SORCS2: variants seen among roughly 807,000 people sequenced by gnomAD.
The protein encoded by SORCS2 is sortilin related VPS10 domain containing receptor 2, also known as VPS10 domain-containing receptor SorCS2.
In SORCS2, 100 loss-of-function variants were observed where a neutral mutation model predicts 141.6. That is an observed-to-expected ratio of 0.71 (90% CI 0.60 to 0.83). The LOEUF is 0.83. Ranked by LOEUF, SORCS2 falls within the 40% of genes least tolerant of loss-of-function variation. The pLI is 0.00. For synonymous variants in SORCS2, 789 were observed against 676.9 expected (o/e 1.17, Z -2.57); for missense variants, 1,646 against 1,560.2 (o/e 1.05, Z -0.93).
chr4:7,279,486 A>C (rs1715719491), intron 1 of SORCS2, among the ~76,000 whole-genome samples: 1 of 152,210 alleles, frequency 6.6e-6, no homozygotes, highest in African/African-American at 2.4e-5. Context: ...TGCGGTGGTC[A>C]GTTCCATTTC....
chr4:7,385,623 A>C (rs980036210), intron 1 of SORCS2, among the ~76,000 whole-genome samples: 5 of 152,208 alleles, frequency 3.3e-5, no homozygotes, highest in African/African-American at 1.2e-4. Context: ...GCCCTGCCCC[A>C]CATTGGGAAG....
intron 2 of SORCS2, among the ~76,000 whole-genome samples, chr4:7,489,168 C>T (rs10937829): frequency 0.51 from 76,949 of 152,022 alleles, 19,514 homozygotes; most frequent in African/African-American, 0.55. Context: ...AAGCTGGTTC[C>T]CTGGACCCTC....
intron 2 of SORCS2, among the ~76,000 whole-genome samples, chr4:7,449,446 C>T (rs1728301405): frequency 7.2e-6 from 1 of 139,752 alleles, no homozygotes; most frequent in Admixed American, 7.3e-5. Context: ...GAAACAAACC[C>T]TTGCTTTTCT....
At chr4:7,606,610 C>T (rs1304203848) in intron 3 of SORCS2, among the ~76,000 whole-genome samples, 2 of 152,090 alleles carry the variant, frequency 1.3e-5, no homozygotes, top group African/African-American at 4.8e-5. Context: ...GCCTTGAGGG[C>T]CGCCTCTGTG....
chr4:7,599,342 G>C (rs1352810321), intron 3 of SORCS2, among the ~76,000 whole-genome samples: 2 of 152,184 alleles, frequency 1.3e-5, no homozygotes, highest in African/African-American at 4.8e-5. Flanking sequence ...CCACGTGCCA[G>C]GCACTTGGCA....
Position 7,703,327 on chromosome 4 carries a change from G to A in SORCS2, c.1716G>A (p.Val572=), listed in dbSNP as rs1725202806. The part of the protein sequence containing the change: ...HHILYLDHGG[V]IVAIKDTSIP... ...TCCTGTACCTGGACCACGGCGGCGT[G>A]ATCGTGGCCATCAAAGACACCTCCA... The change falls in exon 13 of 27, where the codon GTG becomes GTA. Residue 572 remains valine (V), a synonymous_variant. Transcript: ENST00000507866. The A allele has an allele frequency of 6.2e-7, 1 of 1,613,458 alleles. No individual in the cohort carries two copies. The highest frequency in any genetic ancestry group is 8.5e-7 in the Non-Finnish European group (1 of 1,179,700).
intron 3 of SORCS2, among the ~76,000 whole-genome samples, chr4:7,538,542 G>T (rs55712164): frequency 0.017 from 2,622 of 152,004 alleles, 66 homozygotes; most frequent in African/African-American, 0.059. Flanking sequence ...TATGTGAATG[G>T]GCATCTTACT....
chr4:7,192,719 C>T lies in SORCS2; in HGVS notation c.73C>T (p.Pro25Ser), dbSNP rs1247953681. 2 of 989,770 alleles carry T rather than the reference C, an allele frequency of 2.0e-6. No homozygotes were observed. The highest frequency in any genetic ancestry group is 2.4e-6 in the Non-Finnish European group (2 of 834,354). 61.3% of individuals were successfully genotyped at this position (989,770 alleles called of 1,614,324 possible). Residue 25 changes from proline (P) to serine (S), a missense_variant, in exon 1 of 27, where the codon CCG becomes TCG. Pro to Ser is a moderately conservative substitution (Grantham distance 74, BLOSUM62 -1). Transcript: ENST00000507866. The surrounding 1 kb of genome is among the most constrained non-coding windows in gnomAD (Gnocchi z 4.0). ...CGCCCGAGCCCCGAGCCCCGGGGCT[C>T]CGCCGCCGCCGCGCTCGCCGCGCTC... ...PTARAPSPGA[P>S]PPPRSPRSRP...
intron 2 of SORCS2, among the ~76,000 whole-genome samples, chr4:7,512,027 C>T (rs1045918686): frequency 6.6e-6 from 1 of 152,206 alleles, no homozygotes; most frequent in Non-Finnish European, 1.5e-5. Flanking sequence ...TGTTCCTGCG[C>T]AATACACAGA....
intron 1 of SORCS2, among the ~76,000 whole-genome samples, chr4:7,320,924 CCTTT>C (rs1165415262): frequency 2.9e-5 from 4 of 137,750 alleles, no homozygotes; most frequent in South Asian, 5.5e-4. Flanking sequence ...TCCTCTTTCT[CCTTT>C]CTTTTTCCTT....
chr4:7,571,473 C>A lies in SORCS2; in HGVS notation c.648+39844C>A, dbSNP rs114029885. Among the ~76,000 whole-genome samples, 922 of 152,110 alleles carry A rather than the reference C, an allele frequency of 6.1e-3. 10 individuals are homozygous for A. The highest frequency in any genetic ancestry group is 0.021 in the African/African-American group (889 of 41,496). ...GATGAGAATAGCTCTGGCCATGCCC[C>A]GTGTGGGTGGGGTAGACTCAGGGGA... On this transcript the variant is annotated intron_variant, in intron 3 of 26. Coordinates refer to ENST00000507866, the MANE Select transcript of SORCS2 (RefSeq NM_020777.3).
chr4:7,411,048 C>T lies in SORCS2; in HGVS notation c.548+14693C>T, dbSNP rs183911472. ...TCGACTCACCGCAACCTCTGCCTCC[C>T]GGGTTCAAGCGATTCTCCTACCTCA... On this transcript the variant is annotated intron_variant, in intron 2 of 26. Transcript: ENST00000507866. Among the ~76,000 whole-genome samples the T allele has an allele frequency of 1.5e-4, 23 of 150,070 alleles. No homozygotes were observed. In the East Asian group the frequency reaches 3.8e-3, roughly 25 times the overall value.
intron 2 of SORCS2, among the ~76,000 whole-genome samples, chr4:7,528,553 G>A (rs60784410): frequency 0.029 from 4,409 of 152,142 alleles, 211 homozygotes; most frequent in African/African-American, 0.1. Context: ...AGCCTCCTGA[G>A]TACCTGGGAT....
At chr4:7,349,486 C>T (rs1205254970) in intron 1 of SORCS2, among the ~76,000 whole-genome samples, 2 of 152,012 alleles carry the variant, frequency 1.3e-5, no homozygotes, top group Non-Finnish European at 2.9e-5. Flanking sequence ...CTGGAGAGGC[C>T]CAGGAGGTCA....
chr4:7,509,710 T>C (rs1350597919), intron 2 of SORCS2, among the ~76,000 whole-genome samples: 1 of 152,142 alleles, frequency 6.6e-6, no homozygotes, highest in Non-Finnish European at 1.5e-5. Context: ...GCCATTCTGC[T>C]GCCAGGCTAT....
rs571709677 is a variant in SORCS2 at position 7,702,132 on chromosome 4, T to C, written c.1669-1148T>C. Among the ~76,000 whole-genome samples, 44 of 152,300 alleles carry C rather than the reference T, an allele frequency of 2.9e-4. No individual in the cohort carries two copies. In the South Asian group the frequency reaches 7.2e-3, roughly 25 times the overall value. Reference sequence around the variant, plus strand: ...GAGTCTCTGAGCACACTGAGACGGATGAGCGTGCTGGCCCTAGTGGGGTCT... The same window carrying C: ...GAGTCTCTGAGCACACTGAGACGGACGAGCGTGCTGGCCCTAGTGGGGTCT... On this transcript the variant is annotated intron_variant, in intron 12 of 26. Coordinates refer to ENST00000507866, the MANE Select transcript of SORCS2 (RefSeq NM_020777.3).
intron 3 of SORCS2, among the ~76,000 whole-genome samples, chr4:7,603,106 G>A (rs1029892884): frequency 4.0e-5 from 6 of 151,874 alleles, no homozygotes; most frequent in Non-Finnish European, 8.8e-5. Flanking sequence ...AGAGATGGCG[G>A]CACTACAGTT....
At chr4:7,335,207 C>T (rs571156268) in intron 1 of SORCS2, among the ~76,000 whole-genome samples, 1 of 152,298 alleles carries the variant, frequency 6.6e-6, no homozygotes, top group South Asian at 2.1e-4. Flanking sequence ...GTTTTCCTCT[C>T]TACGTTCAAG....
intron 2 of SORCS2, among the ~76,000 whole-genome samples, chr4:7,507,071 C>CAT (rs1732315809): frequency 6.6e-6 from 1 of 152,196 alleles, no homozygotes; most frequent in Admixed American, 6.5e-5. Context: ...TGTTTCTGAG[C>CAT]ATTTATTGGC....
Sources: gnomAD v4.1 joint callset for allele counts (sites outside exome capture counted in the v4.1 genomes callset) on GRCh38, gnomAD v4.1.1 for gene constraint, Gnocchi (gnomAD v3.1) non-coding constraint, MANE v1.5 for transcripts, NCBI Gene and HGNC (gene_info 2026-07-23, HGNC 2026-07-21) for gene names.